Variants in FBXW7 observed in about 807,000 individuals in gnomAD.
FBXW7 encodes the protein F-box and WD repeat domain containing 7.
FBXW7 carries 11 observed loss-of-function variants against 86.3 expected under a neutral mutation model. That is an observed-to-expected ratio of 0.13 (90% confidence interval 0.08 to 0.21). The LOEUF (loss-of-function observed/expected upper bound fraction) is 0.21, where lower values mean the gene tolerates loss of function less well. FBXW7 is among the 10% of genes least tolerant of loss of function. The probability of loss-of-function intolerance (pLI) is 1.00; values close to 1 mark genes in which losing one functional copy is unlikely to be tolerated. For synonymous variants in FBXW7, 313 were observed against 297.9 expected (o/e 1.05, Z -0.52); for missense variants, 488 against 847.4 (o/e 0.58, Z 5.27).
chr4:152,351,707 T>C (rs1019485669), intron 4 of FBXW7, among the ~76,000 whole-genome samples: 1 of 152,134 alleles, frequency 6.6e-6, no homozygotes, highest in African/African-American at 2.4e-5. Flanking sequence ...CTTATCTTCA[T>C]AATTAGGAGA....
At position 152,536,003 on chromosome 4, in the gene FBXW7, C is replaced by T; in HGVS notation, c.-1089G>A. 1.4e-5 allele frequency: 3 copies of T among 221,716 alleles called. No individual in the cohort carries two copies. Among genetic ancestry groups the T allele is most frequent in the East Asian group, 9.7e-5 (1 of 10,334 alleles). The allele number at this position is 221,716 out of a possible 1,614,324, so 13.7% of individuals were successfully genotyped here. ...GCTCCTTCGCTCTCAGTCTCAGCGG[C>T]GGCGGCGGCGGCAGCGGCAGCGGCA... On this transcript the variant is annotated 5_prime_UTR_variant, in exon 1 of 14. Coordinates refer to ENST00000281708, the MANE Select transcript of FBXW7 (RefSeq NM_001349798.2).
chr4:152,330,408 G>T (rs908009765), intron 9 of FBXW7, among the ~76,000 whole-genome samples: 4 of 151,920 alleles, frequency 2.6e-5, no homozygotes, highest in African/African-American at 9.7e-5. Flanking sequence ...CATGTTTGGA[G>T]TATGTGATCA....
chr4:152,454,435 A>G (rs915795840), intron 2 of FBXW7, among the ~76,000 whole-genome samples: 6 of 152,094 alleles, frequency 3.9e-5, no homozygotes, highest in African/African-American at 1.4e-4. Context: ...ACTTTTGATA[A>G]TGACTATTCC....
chr4:152,341,779 A>G (rs1347245775), intron 6 of FBXW7, among the ~76,000 whole-genome samples: 1 of 152,154 alleles, frequency 6.6e-6, no homozygotes, highest in South Asian at 2.1e-4. Context: ...TAACATGAAA[A>G]CCTTGCAGCT....
intron 4 of FBXW7, chr4:152,382,346 C>T (rs1189222855): frequency 6.4e-7 from 1 of 1,558,270 alleles, no homozygotes; most frequent in Non-Finnish European, 8.7e-7. Context: ...TTTAAAACTC[C>T]TCTTGGTTGA....
chr4:152,390,201 G>A, intron 4 of FBXW7, among the ~76,000 whole-genome samples: 1 of 150,556 alleles, frequency 6.6e-6, no homozygotes, highest in South Asian at 2.1e-4. Context: ...GTAAACTTTG[G>A]ATTTTATTTC....
intron 4 of FBXW7, among the ~76,000 whole-genome samples, chr4:152,375,939 C>A (rs1259719035): frequency 6.6e-6 from 1 of 151,968 alleles, no homozygotes. Flanking sequence ...TCTAAATCAA[C>A]AATAGTGAGA....
At chr4:152,475,613 G>A (rs1744324098) in intron 2 of FBXW7, among the ~76,000 whole-genome samples, 1 of 152,112 alleles carries the variant, frequency 6.6e-6, no homozygotes. Context: ...AAAGCATGTT[G>A]TCTATATAGA....
chr4:152,527,941 C>T (rs1465357929), intron 2 of FBXW7, among the ~76,000 whole-genome samples: 4 of 150,296 alleles, frequency 2.7e-5, no homozygotes, highest in Non-Finnish European at 5.9e-5. Context: ...CAAAAACAAA[C>T]CAACAATTTG....
intron 4 of FBXW7, among the ~76,000 whole-genome samples, chr4:152,374,933 T>C (rs1278394613): frequency 6.6e-6 from 1 of 152,026 alleles, no homozygotes; most frequent in African/African-American, 2.4e-5. Context: ...TATTTCCGTA[T>C]GTTAAGGAGG....
At chr4:152,361,876 G>T (rs1732979741) in intron 4 of FBXW7, among the ~76,000 whole-genome samples, 1 of 145,970 alleles carries the variant, frequency 6.9e-6, no homozygotes. Context: ...TAAGGCAGGA[G>T]AATTGCTTGA....
rs554049740 is a variant in FBXW7 at position 152,341,287 on chromosome 4, C to T, written c.727-3351G>A. On this transcript the variant is annotated intron_variant, in intron 6 of 13. Coordinates refer to ENST00000281708, the MANE Select transcript of FBXW7 (RefSeq NM_001349798.2). The stretch of plus-strand genomic sequence containing the variant: ...CTTTTATTTACTCTGCTCTGCCATA[C>T]ACACTCTTTCTGTGCTGTAAACACT... Among the ~76,000 whole-genome samples, 4 of 152,298 alleles carry T rather than the reference C, an allele frequency of 2.6e-5. No individual in the cohort carries two copies. In the South Asian group the frequency reaches 8.3e-4, roughly 32 times the overall value.
intron 2 of FBXW7, among the ~76,000 whole-genome samples, chr4:152,473,225 G>C (rs1424502902): frequency 6.6e-6 from 1 of 152,168 alleles, no homozygotes; most frequent in Non-Finnish European, 1.5e-5. Flanking sequence ...CTGGGCGACA[G>C]AGCAAGACTG....
chr4:152,336,705 A>T (rs1730157751), intron 7 of FBXW7, among the ~76,000 whole-genome samples: 1 of 152,084 alleles, frequency 6.6e-6, no homozygotes, highest in Non-Finnish European at 1.5e-5. Context: ...AGTCATTTTT[A>T]AAAAGCACTC....
chr4:152,496,820 A>G (rs1228225998), intron 2 of FBXW7, among the ~76,000 whole-genome samples: 1 of 152,218 alleles, frequency 6.6e-6, no homozygotes, highest in African/African-American at 2.4e-5. Flanking sequence ...TTAAATTTTC[A>G]TTAGGGTCAG....
chr4:152,525,496 A>G (rs1277103549), intron 2 of FBXW7, among the ~76,000 whole-genome samples: 1 of 151,952 alleles, frequency 6.6e-6, no homozygotes, highest in Non-Finnish European at 1.5e-5. Context: ...GTGTCTATTC[A>G]TTTTGTTCAT....
intron 4 of FBXW7, among the ~76,000 whole-genome samples, chr4:152,378,798 G>C (rs1020970093): frequency 2.0e-5 from 3 of 152,062 alleles, no homozygotes; most frequent in African/African-American, 7.2e-5. Flanking sequence ...TTTGAGTCCA[G>C]GAGTTCAAGA....
At chr4:152,430,423 A>G (rs555858716) in intron 2 of FBXW7, among the ~76,000 whole-genome samples, 2 of 152,266 alleles carry the variant, frequency 1.3e-5, no homozygotes, top group Admixed American at 1.3e-4. Flanking sequence ...TACAGATTAC[A>G]TAAGATATTG....
chr4:152,327,624 C>T (rs980960077), intron 11 of FBXW7, among the ~76,000 whole-genome samples: 1 of 151,878 alleles, frequency 6.6e-6, no homozygotes, highest in African/African-American at 2.4e-5. Context: ...ATTCGTTAGT[C>T]AACAGTAGGC....
Sources: allele counts gnomAD v4.1 joint callset (sites outside exome capture counted in the v4.1 genomes callset), GRCh38; gene constraint gnomAD v4.1.1; transcripts MANE v1.5; gene names NCBI Gene and HGNC (gene_info 2026-07-23, HGNC 2026-07-21).